GLIS3: variants seen among roughly 807,000 people sequenced by gnomAD.
GLIS3 encodes the protein zinc finger protein GLIS3.
Under a neutral mutation model 78.6 loss-of-function variants are expected in GLIS3, and 53 were observed. The observed-to-expected ratio is 0.67, with a 90% CI of 0.54 to 0.85. The LOEUF (loss-of-function observed/expected upper bound fraction) is 0.85. GLIS3 is among the 40% of genes least tolerant of loss of function. The pLI is 0.00. For synonymous variants in GLIS3, 684 were observed against 509.9 expected (o/e 1.34, Z -4.60); for missense variants, 1,703 against 1,231.1 (o/e 1.38, Z -5.74).
chr9:4,030,518 C>CCAATGTCCTGGAGA (rs1823744855), intron 4 of GLIS3, among the ~76,000 whole-genome samples: 1 of 152,166 alleles, frequency 6.6e-6, no homozygotes, highest in South Asian at 2.1e-4. Context: ...TCTGCCAAGA[C>CCAATGTCCTGGAGA]CAATGTCCTG....
intron 2 of GLIS3, among the ~76,000 whole-genome samples, chr9:4,213,032 C>G (rs535883148): frequency 6.6e-6 from 1 of 152,124 alleles, no homozygotes; most frequent in Non-Finnish European, 1.5e-5. Context: ...GGAGAAGAGG[C>G]AGAAGCTGCC....
chr9:3,903,420 T>G (rs1456894598), intron 6 of GLIS3, among the ~76,000 whole-genome samples: 1 of 152,232 alleles, frequency 6.6e-6, no homozygotes, highest in East Asian at 1.9e-4. Context: ...CCACTGATTG[T>G]CAATTCACCT....
At chr9:4,245,680 T>G (rs138537254) in intron 2 of GLIS3, among the ~76,000 whole-genome samples, 3 of 152,194 alleles carry the variant, frequency 2.0e-5, no homozygotes, top group Non-Finnish European at 4.4e-5. Context: ...TTTTCAATGT[T>G]TGAGGTGATG....
At chr9:3,877,489 T>C (rs1821394562) in intron 8 of GLIS3, among the ~76,000 whole-genome samples, 1 of 152,244 alleles carries the variant, frequency 6.6e-6, no homozygotes, top group Non-Finnish European at 1.5e-5. Flanking sequence ...ATGGATCTTT[T>C]ATAATCACCT....
At chr9:4,349,322 C>T (rs1332969974), upstream of GLIS3, among the ~76,000 whole-genome samples, 2 of 152,296 alleles carry the variant, frequency 1.3e-5, no homozygotes, top group East Asian at 1.9e-4. Flanking sequence ...GATTATATGA[C>T]CCATAAAAGC....
intron 9 of GLIS3, among the ~76,000 whole-genome samples, chr9:3,839,057 T>C (rs1428755445): frequency 6.6e-6 from 1 of 152,184 alleles, no homozygotes; most frequent in African/African-American, 2.4e-5. Context: ...ACCTACATGG[T>C]ACCTTAATAT....
Position 4,002,336 on chromosome 9 carries a change from C to T in GLIS3, c.1711-65147G>A, listed in dbSNP as rs147678455. ...CAGTAAGTCCAGTAAAATTCATTTCCGACTCCTGATCTCCAGATATGTTAA... is the reference window on the plus strand; with the variant it reads ...CAGTAAGTCCAGTAAAATTCATTTCTGACTCCTGATCTCCAGATATGTTAA... On this transcript the variant is annotated intron_variant, in intron 4 of 10. Transcript: ENST00000381971. 4.9e-4 allele frequency among the ~76,000 whole-genome samples: 74 copies of T among 152,232 alleles called. 1 individual carries two copies. The highest frequency in any genetic ancestry group is 6.8e-3 in the Middle Eastern group (2 of 294).
chr9:4,015,807 T>G (rs1402148709), intron 4 of GLIS3, among the ~76,000 whole-genome samples: 3 of 146,770 alleles, frequency 2.0e-5, no homozygotes, highest in African/African-American at 7.7e-5. Flanking sequence ...GAGAACTGCT[T>G]GAACCCAGAA....
chr9:3,846,657 A>G (rs1389039459), intron 9 of GLIS3, among the ~76,000 whole-genome samples: 4 of 152,162 alleles, frequency 2.6e-5, no homozygotes, highest in Non-Finnish European at 4.4e-5. Context: ...AAGGACTGGT[A>G]TCTATGGGCA....
At chr9:4,272,973 C>G (rs1826653247) in intron 2 of GLIS3, among the ~76,000 whole-genome samples, 1 of 152,202 alleles carries the variant, frequency 6.6e-6, no homozygotes, top group Admixed American at 6.5e-5. Flanking sequence ...ATGGGAGATA[C>G]AGGTTTAAAA....
intron 2 of GLIS3, among the ~76,000 whole-genome samples, chr9:4,279,340 C>T (rs1827332165): frequency 1.2e-5 from 1 of 81,682 alleles, no homozygotes; most frequent in South Asian, 3.5e-4. Context: ...CACACACACA[C>T]ACACACACAC....
In GLIS3 at chr9:4,004,304, A is replaced by G. The variant is rs145116535; in HGVS notation, c.1711-67115T>C. Among the ~76,000 whole-genome samples the G allele has an allele frequency of 2.9e-3, 444 of 152,338 alleles. 6 individuals carry two copies. The highest frequency in any genetic ancestry group is 0.01 in the African/African-American group (420 of 41,582). ...AGACTCCTTGATATTTGGTAGGTCAATAGAGAAGGACCGTTCTCAGTAAAG... is the reference window on the plus strand; with the variant it reads ...AGACTCCTTGATATTTGGTAGGTCAGTAGAGAAGGACCGTTCTCAGTAAAG... On this transcript the variant is annotated intron_variant, in intron 4 of 10. Transcript: ENST00000381971.
Position 3,932,391 on chromosome 9 carries a change from T to C in GLIS3, c.1952A>G (p.His651Arg). The change falls in exon 6 of 11, where the codon CAT becomes CGT. Residue 651 changes from histidine (H) to arginine (R), a missense_variant. Physicochemically the swap from His to Arg is conservative, Grantham distance 29. Coordinates refer to ENST00000381971, the MANE Select transcript of GLIS3 (RefSeq NM_001042413.2). The stretch of plus-strand genomic sequence containing the variant: ...CCTTGCTTGTTGCTCTTTGGAAGAA[T>C]GTGCCTTCACATGCTTTCTTAGGGA... ...PSSLRKHVKA[H>R]SSKEQQARKK... is the part of the protein sequence containing the mutation. The C allele has an allele frequency of 6.2e-7, 1 of 1,613,762 alleles. No individual in the cohort carries two copies. The highest frequency in any genetic ancestry group is 8.5e-7 in the Non-Finnish European group (1 of 1,179,744).
chr9:4,430,161 G>T, the GLIS3 span, among the ~76,000 whole-genome samples: 1 of 152,180 alleles, frequency 6.6e-6, no homozygotes, highest in Non-Finnish European at 1.5e-5. Context: ...GCAGGCCCGG[G>T]CTAAGATAAG....
intron 4 of GLIS3, among the ~76,000 whole-genome samples, chr9:4,046,659 C>T (rs1202481415): frequency 6.6e-6 from 1 of 152,174 alleles, no homozygotes; most frequent in Non-Finnish European, 1.5e-5. Context: ...GTATTATCTT[C>T]ACTTCTAGCG....
the GLIS3 span, among the ~76,000 whole-genome samples, chr9:4,460,332 A>G: frequency 1.7e-4 from 26 of 152,348 alleles, no homozygotes; most frequent in Admixed American, 1.3e-4. Context: ...CCAGTTTCAC[A>G]GAACTGATGT....
At chr9:3,891,939 T>C (rs911019403) in intron 7 of GLIS3, among the ~76,000 whole-genome samples, 5 of 152,148 alleles carry the variant, frequency 3.3e-5, no homozygotes, top group Non-Finnish European at 7.4e-5. Context: ...TGAGACTTTA[T>C]CACATTTTCT....
At chr9:4,375,610 G>T in the GLIS3 span, among the ~76,000 whole-genome samples, 3 of 152,130 alleles carry the variant, frequency 2.0e-5, no homozygotes, top group African/African-American at 7.2e-5. Context: ...GATGTAAAAA[G>T]TAACAACTAA....
chr9:3,917,205 T>C (rs965191472), intron 6 of GLIS3, among the ~76,000 whole-genome samples: 3 of 152,162 alleles, frequency 2.0e-5, no homozygotes, highest in Non-Finnish European at 4.4e-5. Context: ...ACCATAACAA[T>C]GTAAATATCA....
Sources: gnomAD v4.1 joint callset for allele counts (sites outside exome capture counted in the v4.1 genomes callset) on GRCh38, gnomAD v4.1.1 for gene constraint, MANE v1.5 for transcripts, NCBI Gene and HGNC (gene_info 2026-07-23, HGNC 2026-07-21) for gene names.